The following GNG7 variants were observed in gnomAD, a reference collection of about 807,000 sequenced individuals.
GNG7 encodes the protein G protein subunit gamma 7, also known as guanine nucleotide-binding protein G(I)/G(S)/G(O) subunit gamma-7.
GNG7 carries 1 observed loss-of-function variant against 4.0 expected under a neutral mutation model. That is an observed-to-expected ratio of 0.25 (90% confidence interval 0.09 to 1.18). GNG7 has a LOEUF of 1.18. Among genes scored for constraint, GNG7 ranks in the 50% most tolerant of loss-of-function variants. The probability of loss-of-function intolerance (pLI) is 0.50; values close to 1 mark genes in which losing one functional copy is unlikely to be tolerated. For missense variants in GNG7, 86 were observed against 91.9 expected (o/e 0.94, Z 0.26); for synonymous variants, 34 against 36.9 (o/e 0.92, Z 0.29).
intron 1 of GNG7, among the ~76,000 whole-genome samples, chr19:2,693,728 G>A (rs1010328459): frequency 1.3e-5 from 2 of 152,136 alleles, no homozygotes; most frequent in Non-Finnish European, 2.9e-5. Context: ...GTCCCCAGAC[G>A]TTGCTCAGTG....
chr19:2,568,758 A>T (rs1393415308), intron 2 of GNG7, among the ~76,000 whole-genome samples: 5 of 151,200 alleles, frequency 3.3e-5, no homozygotes, highest in Non-Finnish European at 5.9e-5. Context: ...ACATACACAC[A>T]TACACATATA....
chr19:2,672,145 C>G (rs1050793016), intron 1 of GNG7, among the ~76,000 whole-genome samples: 1 of 150,470 alleles, frequency 6.6e-6, no homozygotes, highest in Non-Finnish European at 1.5e-5. Context: ...TCAAGCAATT[C>G]TCCTGCCTCA....
chr19:2,532,680 T>C (rs979807963), intron 3 of GNG7, among the ~76,000 whole-genome samples: 2 of 152,146 alleles, frequency 1.3e-5, no homozygotes, highest in African/African-American at 4.8e-5. Context: ...AAATGGCCAA[T>C]AAGCACATGA....
intron 4 of GNG7, among the ~76,000 whole-genome samples, chr19:2,518,606 G>C (rs1978293633): frequency 6.6e-6 from 1 of 152,022 alleles, no homozygotes; most frequent in South Asian, 2.1e-4. Context: ...GGACGACTCT[G>C]TCCGCCTCCC....
intron 1 of GNG7, among the ~76,000 whole-genome samples, chr19:2,652,618 T>A (rs1423420510): frequency 4.0e-5 from 6 of 151,492 alleles, no homozygotes; most frequent in Non-Finnish European, 5.9e-5. Context: ...AGACTCCATC[T>A]CAAAACAAAC....
chr19:2,661,288 A>AAGAGAGAGAGAGAG (rs1290851616), intron 1 of GNG7, among the ~76,000 whole-genome samples: 2 of 47,272 alleles, frequency 4.2e-5, no homozygotes, highest in East Asian at 1.7e-3. Flanking sequence ...GAAAGAAAGA[A>AAGAGAGAGAGAGAG]AGAAAGAAAG....
chr19:2,667,100 A>G (rs987555041), intron 1 of GNG7, among the ~76,000 whole-genome samples: 1 of 152,120 alleles, frequency 6.6e-6, no homozygotes, highest in Admixed American at 6.5e-5. Flanking sequence ...CGGGTGGATC[A>G]CTTGAGGTCA....
intron 1 of GNG7, among the ~76,000 whole-genome samples, chr19:2,670,242 G>A (rs988222684): frequency 6.6e-6 from 1 of 152,112 alleles, no homozygotes; most frequent in Non-Finnish European, 1.5e-5. Context: ...TTCTGGCCAC[G>A]GAGACCCACC....
chr19:2,602,023 G>T (rs1348874891), intron 2 of GNG7, among the ~76,000 whole-genome samples: 1 of 151,704 alleles, frequency 6.6e-6, no homozygotes, highest in Non-Finnish European at 1.5e-5. Flanking sequence ...CCCTGGGGAA[G>T]AAAGTCTGCT....
At position 2,617,984 on chromosome 19, in the gene GNG7, C is replaced by T. The variant is rs1023710843; in HGVS notation, c.-78+28240G>A. Among the ~76,000 whole-genome samples the T allele has an allele frequency of 1.1e-4, 16 of 151,846 alleles. No homozygotes were observed. Among genetic ancestry groups the T allele is most frequent in the African/African-American group, 2.9e-4 (12 of 41,400 alleles). ...ATCCTCCCACCTCGGCCTCCCAAAG[C>T]GCTGAGATTACAGGCGTGACTATTT... On this transcript the variant is annotated intron_variant, in intron 2 of 4. Transcript: ENST00000382159. This position sits in a 1 kb window ranked among gnomAD's most constrained non-coding sequence, Gnocchi z 4.7.
At chr19:2,565,063 G>A (rs1979858616) in intron 2 of GNG7, among the ~76,000 whole-genome samples, 2 of 152,062 alleles carry the variant, frequency 1.3e-5, no homozygotes, top group South Asian at 2.1e-4. Context: ...TAAAATATCC[G>A]CTAAGCTTCT....
chr19:2,520,492 C>T, intron 4 of GNG7, 116 bp downstream of exon 4: 1 of 632,008 alleles, frequency 1.6e-6, no homozygotes, highest in Non-Finnish European at 2.9e-6. Flanking sequence ...CAAGGTCACA[C>T]AGCAAGAGAC....
At chr19:2,528,852 G>T (rs555939034) in intron 3 of GNG7, among the ~76,000 whole-genome samples, 1 of 152,250 alleles carries the variant, frequency 6.6e-6, no homozygotes. Context: ...GGGTTCCAGA[G>T]TCTGGCAGGC....
At position 2,520,666 on chromosome 19, in the gene GNG7, G is replaced by T; in HGVS notation, c.23C>A (p.Ala8Asp). 1 of 1,549,740 alleles carries T rather than the reference G, an allele frequency of 6.5e-7. No individual in the cohort carries two copies. MSATNNI[A>D]QARKLVEQLR... Reference sequence around the variant, plus strand: ...CTGTTCCACCAGCTTCCGGGCCTGGGCTATGTTGTTAGTGGCTGACATTGT... The same window carrying T: ...CTGTTCCACCAGCTTCCGGGCCTGGTCTATGTTGTTAGTGGCTGACATTGT... Residue 8 changes from alanine to aspartate, a missense_variant, in exon 4 of 5, where the codon GCC (alanine) becomes GAC (aspartate). Ala to Asp is a moderately radical substitution (Grantham distance 126, BLOSUM62 -2). Coordinates refer to ENST00000382159, the MANE Select transcript of GNG7 (RefSeq NM_052847.3).
chr19:2,531,544 G>A (rs191892429), intron 3 of GNG7, among the ~76,000 whole-genome samples: 13 of 151,906 alleles, frequency 8.6e-5, no homozygotes, highest in East Asian at 2.0e-4. Flanking sequence ...GGCCGGGCGC[G>A]GTGGCTCACG....
chr19:2,547,523 G>T (rs1015009302), intron 3 of GNG7, among the ~76,000 whole-genome samples: 1 of 152,014 alleles, frequency 6.6e-6, no homozygotes, highest in Non-Finnish European at 1.5e-5. Flanking sequence ...CCCCACCCCG[G>T]ATCATCCACG....
intron 3 of GNG7, among the ~76,000 whole-genome samples, chr19:2,523,325 G>A (rs1240702988): frequency 2.0e-5 from 3 of 151,826 alleles, no homozygotes; most frequent in South Asian, 2.1e-4. Flanking sequence ...GCTGAGATGC[G>A]AGGATCACTT....
chr19:2,655,961 G>T (rs1443077633), intron 1 of GNG7, among the ~76,000 whole-genome samples: 1 of 148,316 alleles, frequency 6.7e-6, no homozygotes, highest in East Asian at 2.0e-4. Context: ...GGAGGCAGAG[G>T]TTGCAGTGAG....
At chr19:2,576,321 C>A (rs1980338859) in intron 2 of GNG7, among the ~76,000 whole-genome samples, 1 of 152,228 alleles carries the variant, frequency 6.6e-6, no homozygotes, top group Admixed American at 6.5e-5. Context: ...AACCCTTCGA[C>A]CCAGGCCTGC....
Sources: allele counts gnomAD v4.1 joint callset (sites outside exome capture counted in the v4.1 genomes callset), GRCh38; gene constraint gnomAD v4.1.1; non-coding constraint Gnocchi (gnomAD v3.1); transcripts MANE v1.5; gene names NCBI Gene and HGNC (gene_info 2026-07-23, HGNC 2026-07-21).